PRKD1: variants seen among roughly 807,000 people sequenced by gnomAD.
The protein encoded by PRKD1 is protein kinase D1, also known as serine/threonine-protein kinase D1.
A neutral mutation model predicts 95.9 loss-of-function variants in PRKD1; 63 were observed. That is an observed-to-expected ratio of 0.66 (90% CI 0.54 to 0.81). The LOEUF (loss-of-function observed/expected upper bound fraction) is 0.81. PRKD1 is among the 30% of genes least tolerant of loss of function. The pLI, the probability that PRKD1 is intolerant of heterozygous loss-of-function variation, is 0.00. For synonymous variants in PRKD1, 425 were observed against 423.1 expected (o/e 1.00, Z -0.05); for missense variants, 1,048 against 1,165.3 (o/e 0.90, Z 1.47).
chr14:29,631,656 C>T (rs1049046736), intron 9 of PRKD1, among the ~76,000 whole-genome samples: 12 of 151,970 alleles, frequency 7.9e-5, no homozygotes, highest in African/African-American at 1.9e-4. Context: ...CCTGCCACTA[C>T]ACCTGGCTAA....
intron 1 of PRKD1, among the ~76,000 whole-genome samples, chr14:29,726,855 AACTT>A (rs1886175063): frequency 6.6e-6 from 1 of 151,930 alleles, no homozygotes; most frequent in African/African-American, 2.4e-5. Context: ...AGAAAAAAAA[AACTT>A]AGTTCACTTT....
intron 1 of PRKD1, among the ~76,000 whole-genome samples, chr14:29,745,250 ATATC>A (rs765035614): frequency 4.6e-5 from 7 of 152,114 alleles, no homozygotes; most frequent in African/African-American, 7.2e-5. Flanking sequence ...CTTCTATGAT[ATATC>A]TATCTTTTTA....
intron 16 of PRKD1, 66 bp from the exon 17 acceptor site, chr14:29,578,426 T>A: frequency 8.3e-7 from 1 of 1,210,306 alleles, no homozygotes; most frequent in Non-Finnish European, 1.2e-6. Flanking sequence ...ATTTATAGTT[T>A]ATTTCACATC....
intron 2 of PRKD1, among the ~76,000 whole-genome samples, chr14:29,669,344 T>G (rs1414238357): frequency 6.6e-6 from 1 of 152,232 alleles, no homozygotes; most frequent in Admixed American, 6.5e-5. Context: ...AAACGCCAAC[T>G]GGAGCTTTGT....
chr14:29,827,486 G>T (rs889620787), intron 1 of PRKD1, among the ~76,000 whole-genome samples: 3 of 152,060 alleles, frequency 2.0e-5, no homozygotes, highest in Admixed American at 2.0e-4. Flanking sequence ...CTTACGGTCA[G>T]CCTTCTCTTC....
chr14:29,760,242 C>T (rs1032645794), intron 1 of PRKD1, among the ~76,000 whole-genome samples: 5 of 152,032 alleles, frequency 3.3e-5, no homozygotes, highest in East Asian at 1.9e-4. Context: ...AATAAAAAAC[C>T]ACACACATTT....
Position 29,634,120 on chromosome 14 carries a change from T to G in PRKD1, c.1314+298A>C, listed in dbSNP as rs45467492. Among the ~76,000 whole-genome samples, 1,269 of 152,348 alleles carry G rather than the reference T, an allele frequency of 8.3e-3. 8 individuals carry two copies. The highest frequency in any genetic ancestry group is 0.014 in the Middle Eastern group (4 of 294). On this transcript the variant is annotated intron_variant, in intron 8 of 17. Transcript: ENST00000331968. ...AATTCTAAATTGCAGTGAAGCATTC[T>G]GAAAGCACATACTGTGGCTTCCACA...
chr14:29,658,678 G>A (rs777288910), intron 4 of PRKD1, among the ~76,000 whole-genome samples: 1 of 151,982 alleles, frequency 6.6e-6, no homozygotes, highest in African/African-American at 2.4e-5. Flanking sequence ...GTTTTTGTTT[G>A]GTTTTTCCCT....
intron 2 of PRKD1, among the ~76,000 whole-genome samples, chr14:29,709,141 T>C (rs530947026): frequency 6.6e-6 from 1 of 152,290 alleles, no homozygotes; most frequent in African/African-American, 2.4e-5. Context: ...AGTTATGGAA[T>C]AAAGTTGTCC....
intron 1 of PRKD1, among the ~76,000 whole-genome samples, chr14:29,813,739 C>T (rs1341734782): frequency 6.6e-6 from 1 of 152,150 alleles, no homozygotes; most frequent in Non-Finnish European, 1.5e-5. Context: ...GCACTCTGAC[C>T]TGTTAAGTGA....
At chr14:29,731,323 A>G (rs11622611) in intron 1 of PRKD1, among the ~76,000 whole-genome samples, 31,783 of 152,094 alleles carry the variant, frequency 0.21, 3,505 homozygotes, top group South Asian at 0.27. Context: ...GCATAAATTT[A>G]ACACTTTTAC....
rs201539683 is a variant in PRKD1, at chr14:29,638,573, C to T, written c.908-7G>A. ...TGGCAGTTGAATCTGCAATCTAATCCCAGTGATTTTCAAACAAAACAAAAT... is the reference window on the plus strand; with the variant it reads ...TGGCAGTTGAATCTGCAATCTAATCTCAGTGATTTTCAAACAAAACAAAAT... On this transcript the variant is annotated splice_region_variant and splice_polypyrimidine_tract_variant and intron_variant, in intron 5 of 17. Transcript: ENST00000331968. The T allele has an allele frequency of 2.2e-4, 363 of 1,614,072 alleles. 1 individual carries two copies. The African/African-American group carries it at 4.1e-3, about 18-fold the overall frequency.
intron 1 of PRKD1, among the ~76,000 whole-genome samples, chr14:29,727,535 G>A (rs1288315341): frequency 6.7e-4 from 102 of 151,340 alleles, no homozygotes; most frequent in African/African-American, 2.3e-3. Flanking sequence ...TAGGTCTAAC[G>A]TTTAAGTCTT....
At chr14:29,862,281 G>T (rs2139361255) in intron 1 of PRKD1, among the ~76,000 whole-genome samples, 1 of 152,230 alleles carries the variant, frequency 6.6e-6, no homozygotes, top group East Asian at 1.9e-4. Flanking sequence ...CGGACACTTA[G>T]GTTTCCTCCA....
chr14:29,826,830 T>TACAC (rs1566623110), intron 1 of PRKD1, among the ~76,000 whole-genome samples: 2 of 27,888 alleles, frequency 7.2e-5, no homozygotes, highest in African/African-American at 2.8e-4. Context: ...TATATATATA[T>TACAC]ATATATATAC....
At chr14:29,807,358 T>C (rs180926885) in intron 1 of PRKD1, among the ~76,000 whole-genome samples, 18 of 152,152 alleles carry the variant, frequency 1.2e-4, no homozygotes, top group East Asian at 5.8e-4. Context: ...ACAGTGGTGA[T>C]TGCTGAAGGC....
At chr14:29,737,057 T>A (rs991472047) in intron 1 of PRKD1, among the ~76,000 whole-genome samples, 3 of 151,194 alleles carry the variant, frequency 2.0e-5, no homozygotes, top group Non-Finnish European at 4.4e-5. Context: ...GCGCGGTGGC[T>A]CACGCCTGTA....
intron 2 of PRKD1, among the ~76,000 whole-genome samples, chr14:29,710,977 T>G (rs546720125): frequency 6.6e-6 from 1 of 152,088 alleles, no homozygotes; most frequent in Non-Finnish European, 1.5e-5. Flanking sequence ...AGACCAAGAA[T>G]AGATTTCAGT....
intron 2 of PRKD1, among the ~76,000 whole-genome samples, chr14:29,721,515 A>C (rs138026296): frequency 6.6e-6 from 1 of 152,162 alleles, no homozygotes; most frequent in Non-Finnish European, 1.5e-5. Context: ...CCAACCAAAC[A>C]AACAGTGTTT....
Sources: gnomAD v4.1 joint callset for allele counts (sites outside exome capture counted in the v4.1 genomes callset) on GRCh38, gnomAD v4.1.1 for gene constraint, MANE v1.5 for transcripts, NCBI Gene and HGNC (gene_info 2026-07-23, HGNC 2026-07-21) for gene names.